Variants in ZFHX3 observed in about 807,000 individuals in gnomAD.
The protein encoded by ZFHX3 is zinc finger homeobox protein 3.
ZFHX3 carries 42 observed loss-of-function variants against 279.1 expected under a neutral mutation model. That is an observed-to-expected ratio of 0.15 (90% confidence interval 0.12 to 0.19). The LOEUF is 0.19. Ranked by LOEUF, ZFHX3 falls within the 10% of genes least tolerant of loss-of-function variation. ZFHX3 has a pLI of 1.00. For synonymous variants in ZFHX3, 2,293 were observed against 1,957.8 expected (o/e 1.17, Z -4.52); for missense variants, 4,981 against 4,754.0 (o/e 1.05, Z -1.40).
At chr16:73,804,658 T>C (rs1271970634) in intron 1 of ZFHX3, among the ~76,000 whole-genome samples, 1 of 152,020 alleles carries the variant, frequency 6.6e-6, no homozygotes, top group African/African-American at 2.4e-5. Flanking sequence ...CAAATATGAG[T>C]CTTTTATTGA....
chr16:72,860,723 C>T (rs891299742), intron 4 of ZFHX3, among the ~76,000 whole-genome samples: 1 of 152,202 alleles, frequency 6.6e-6, no homozygotes, highest in African/African-American at 2.4e-5. Context: ...AGCTACCACG[C>T]CCAGCCAAAA....
chr16:73,819,423 T>C (rs1960671485), intron 1 of ZFHX3, among the ~76,000 whole-genome samples: 1 of 151,794 alleles, frequency 6.6e-6, no homozygotes, highest in Admixed American at 6.6e-5. Context: ...AAATCTCCCT[T>C]TGTTGACAAC....
intron 1 of ZFHX3, among the ~76,000 whole-genome samples, chr16:73,687,064 A>T (rs1240476021): frequency 1.1e-4 from 10 of 92,896 alleles, no homozygotes; most frequent in East Asian, 3.2e-4. Flanking sequence ...ATATATATAT[A>T]TTTGCAGCTT....
At chr16:73,151,881 A>C (rs1041570275) in intron 5 of ZFHX3, among the ~76,000 whole-genome samples, 1 of 17,802 alleles carries the variant, frequency 5.6e-5, no homozygotes, top group East Asian at 6.9e-4. Flanking sequence ...GCAAAAAACA[A>C]AAAAAAAAAA....
chr16:73,147,149 G>C (rs1966867329), intron 5 of ZFHX3, among the ~76,000 whole-genome samples: 1 of 152,202 alleles, frequency 6.6e-6, no homozygotes, highest in African/African-American at 2.4e-5. Flanking sequence ...TGGTATGATG[G>C]CATATGGGGA....
At chr16:72,967,838 G>C (rs1397281165) in intron 1 of ZFHX3, among the ~76,000 whole-genome samples, 1 of 150,752 alleles carries the variant, frequency 6.6e-6, no homozygotes, top group Non-Finnish European at 1.5e-5. Flanking sequence ...TGAGGCAGGA[G>C]AATGGCGTGA....
At chr16:73,606,106 C>T (rs532295121) in intron 2 of ZFHX3, among the ~76,000 whole-genome samples, 25 of 138,990 alleles carry the variant, frequency 1.8e-4, no homozygotes, top group South Asian at 1.7e-3. Flanking sequence ...GGCGTGAACC[C>T]GGGAGGTGGA....
chr16:72,977,589 T>TC (rs1567615470), intron 1 of ZFHX3, among the ~76,000 whole-genome samples: 1 of 68,248 alleles, frequency 1.5e-5, no homozygotes, highest in Non-Finnish European at 4.1e-5. Context: ...CGTGGGTCAG[T>TC]GGGGGGAAAA....
intron 5 of ZFHX3, among the ~76,000 whole-genome samples, chr16:73,156,245 A>G (rs1773798615): frequency 6.6e-6 from 1 of 151,704 alleles, no homozygotes; most frequent in Non-Finnish European, 1.5e-5. Flanking sequence ...AAAAAAAAAA[A>G]AAAAAAGACT....
rs147477608 is a variant in ZFHX3 at position 72,796,136 on chromosome 16, G to A, written c.6546C>T (p.Ser2182=). 8.7e-6 allele frequency: 14 copies of A among 1,614,036 alleles called. No homozygotes were observed. Among genetic ancestry groups the A allele is most frequent in the African/African-American group, 4.0e-5 (3 of 74,908 alleles). Residue 2182 remains serine, a synonymous_variant, in exon 9 of 10, where the codon TCC becomes TCT. Coordinates refer to ENST00000268489, the MANE Select transcript of ZFHX3 (RefSeq NM_006885.4). ...EEQIKEMADK[S]GLPQKVIKHW... is the part of the protein sequence containing the mutation. ...GCTTGATCACTTTCTGGGGCAACCC[G>A]GACTTGTCTGCCATCTCTTTTATTT...
At position 72,793,144 on chromosome 16, in the gene ZFHX3, G is replaced by C; in HGVS notation, c.9427+111C>G. 1 of 1,499,170 alleles carries C rather than the reference G, an allele frequency of 6.7e-7. No individual in the cohort carries two copies. Among genetic ancestry groups the C allele is most frequent in the Admixed American group, 2.3e-5 (1 of 43,974 alleles). 92.9% of individuals were successfully genotyped at this position (1,499,170 alleles called of 1,614,324 possible). A position where few individuals can be genotyped will look rare whatever the true frequency, so the allele number is the denominator to read the frequency against. ...CTTGTTGCTTTTAAAGAACTAGAAA[G>C]GTAAGCTTCCCATCTGCCCAGCACT... On this transcript the variant is annotated intron_variant, in intron 9 of 9. Coordinates refer to ENST00000268489, the MANE Select transcript of ZFHX3 (RefSeq NM_006885.4). This position sits in a 1 kb window ranked among gnomAD's most constrained non-coding sequence, Gnocchi z 4.3.
chr16:73,354,874 C>T (rs114711689), intron 3 of ZFHX3, among the ~76,000 whole-genome samples: 1 of 152,176 alleles, frequency 6.6e-6, no homozygotes, highest in Admixed American at 6.5e-5. Flanking sequence ...TCATTTAAAA[C>T]CCTCTCTCTT....
chr16:72,877,311 G>T (rs999962759), intron 4 of ZFHX3, among the ~76,000 whole-genome samples: 2 of 152,138 alleles, frequency 1.3e-5, no homozygotes, highest in African/African-American at 4.8e-5. Context: ...GACTCGCAGC[G>T]CTGGGGCCAC....
At chr16:73,027,105 C>A (rs980235046) in intron 1 of ZFHX3, among the ~76,000 whole-genome samples, 2 of 152,246 alleles carry the variant, frequency 1.3e-5, no homozygotes, top group Admixed American at 6.5e-5. Context: ...ATAAATGTCA[C>A]ATATTGTCAG....
intron 3 of ZFHX3, among the ~76,000 whole-genome samples, chr16:72,932,597 C>G (rs1959877876): frequency 6.9e-6 from 1 of 145,690 alleles, no homozygotes; most frequent in South Asian, 2.3e-4. Context: ...AAGGTCATTT[C>G]ACTAAACATC....
chr16:72,809,389 C>G (rs2036370734), intron 7 of ZFHX3: 1 of 152,184 alleles, frequency 6.6e-6, no homozygotes, highest in Admixed American at 6.5e-5. Context: ...TACAATGAGG[C>G]CTGTTACTTC....
At chr16:73,368,927 C>G (rs1423735) in intron 3 of ZFHX3, among the ~76,000 whole-genome samples, 60,621 of 152,082 alleles carry the variant, frequency 0.4, 15,761 homozygotes, top group African/African-American at 0.75. Context: ...ATAAATGGCA[C>G]AGCTGAGATT....
At chr16:73,039,960 C>G (rs1965051257) in intron 1 of ZFHX3, among the ~76,000 whole-genome samples, 1 of 152,178 alleles carries the variant, frequency 6.6e-6, no homozygotes, top group African/African-American at 2.4e-5. Flanking sequence ...AATGAAAATA[C>G]TACTAATAAT....
intron 1 of ZFHX3, among the ~76,000 whole-genome samples, chr16:73,880,382 T>C (rs886627005): frequency 1.3e-5 from 2 of 151,870 alleles, no homozygotes; most frequent in Non-Finnish European, 2.9e-5. Context: ...ATGAGAACTC[T>C]TTTTTTCCCT....
Sources: gnomAD v4.1 joint callset for allele counts (sites outside exome capture counted in the v4.1 genomes callset) on GRCh38, gnomAD v4.1.1 for gene constraint, Gnocchi (gnomAD v3.1) non-coding constraint, MANE v1.5 for transcripts, NCBI Gene and HGNC (gene_info 2026-07-23, HGNC 2026-07-21) for gene names.